Variants in WWC2 observed in about 807,000 individuals in gnomAD.
The protein encoded by WWC2 is protein WWC2.
A neutral mutation model predicts 138.5 loss-of-function variants in WWC2; 101 were observed. That is an observed-to-expected ratio of 0.73 (90% CI 0.62 to 0.86). The LOEUF (loss-of-function observed/expected upper bound fraction) is 0.86. Among genes scored for constraint, WWC2 ranks in the 40% least tolerant of loss-of-function variants. WWC2 has a pLI of 0.00. For missense variants in WWC2, 1,420 were observed against 1,419.4 expected (o/e 1.00, Z -0.01); for synonymous variants, 558 against 538.4 (o/e 1.04, Z -0.50).
At chr4:183,293,307 C>T (rs1014857392) in intron 21 of WWC2, among the ~76,000 whole-genome samples, 5 of 152,028 alleles carry the variant, frequency 3.3e-5, no homozygotes, top group Admixed American at 6.6e-5. Flanking sequence ...TTGACCATGT[C>T]AAAATGTCTA....
chr4:183,252,717 T>C (rs535953771), intron 8 of WWC2, among the ~76,000 whole-genome samples: 36 of 152,276 alleles, frequency 2.4e-4, no homozygotes, highest in African/African-American at 8.7e-4. Context: ...AGCACAATAA[T>C]GTATAAAGTG....
intron 2 of WWC2, among the ~76,000 whole-genome samples, chr4:183,195,322 G>A (rs779033524): frequency 3.9e-5 from 6 of 152,068 alleles, no homozygotes; most frequent in Admixed American, 1.3e-4. Context: ...AACCAACCTC[G>A]CCATCCTGGG....
intron 1 of WWC2, among the ~76,000 whole-genome samples, chr4:183,188,877 C>T (rs1734900176): frequency 6.6e-6 from 1 of 151,924 alleles, no homozygotes; most frequent in Non-Finnish European, 1.5e-5. Context: ...AACTCCTGAC[C>T]TCAGGTGATC....
At position 183,320,166 on chromosome 4, in the gene WWC2, A is replaced by G. The variant is rs2111142795; in HGVS notation, c.*4437A>G. Reference sequence around the variant, plus strand: ...AAGACAGGATAAAACCCATCCCAGCAAAGATAATGAAACTCCAGCTAGTTG... The same window carrying G: ...AAGACAGGATAAAACCCATCCCAGCGAAGATAATGAAACTCCAGCTAGTTG... On this transcript the variant is annotated 3_prime_UTR_variant, in exon 23 of 23. Coordinates refer to ENST00000403733, the MANE Select transcript of WWC2 (RefSeq NM_024949.6). 2 of 1,614,176 alleles carry G rather than the reference A, an allele frequency of 1.2e-6. No individual in the cohort carries two copies. The highest frequency in any genetic ancestry group is 1.6e-4 in the Middle Eastern group (1 of 6,062).
chr4:183,180,295 C>T (rs6552651), intron 1 of WWC2, among the ~76,000 whole-genome samples: 149,650 of 152,260 alleles, frequency 0.98, 73,589 homozygotes, highest in Middle Eastern at 1. Flanking sequence ...GATATCCTGC[C>T]TCTGAGCTGT....
At chr4:183,201,507 C>T (rs1735297481) in intron 2 of WWC2, among the ~76,000 whole-genome samples, 1 of 152,170 alleles carries the variant, frequency 6.6e-6, no homozygotes, top group Non-Finnish European at 1.5e-5. Flanking sequence ...GCCTTCACAG[C>T]CTGAATCACT....
intron 22 of WWC2, among the ~76,000 whole-genome samples, chr4:183,312,696 C>T (rs1027779975): frequency 4.5e-4 from 69 of 152,218 alleles, no homozygotes; most frequent in African/African-American, 1.6e-3. Flanking sequence ...GTGTCCCCAG[C>T]TCTTAGTAGC....
At chr4:183,160,960 G>T (rs1733945676) in intron 1 of WWC2, among the ~76,000 whole-genome samples, 1 of 152,026 alleles carries the variant, frequency 6.6e-6, no homozygotes, top group Non-Finnish European at 1.5e-5. Flanking sequence ...TAAAGATAGA[G>T]CAACTTATTA....
chr4:183,269,186 T>C, intron 15 of WWC2, 23 bp downstream of exon 15: 1 of 1,541,852 alleles, frequency 6.5e-7, no homozygotes, highest in Non-Finnish European at 8.7e-7. Flanking sequence ...ATAATTCCCA[T>C]TACCAAATAG....
rs372876633 is a variant in WWC2, at chr4:183,225,792, AAAAC to A, written c.523-14383_523-14380del. On this transcript the variant is annotated intron_variant, in intron 4 of 22. Transcript: ENST00000403733. ...CTAGGCAGTGAGATGTAGCATAAAC[AAAAC>A]AAACAAAAGTAACTGCTCTCATGGA... Among the ~76,000 whole-genome samples the A allele has an allele frequency of 3.3e-4, 51 of 152,332 alleles. 1 individual carries two copies. In the East Asian group the frequency reaches 5.6e-3, roughly 17 times the overall value.
chr4:183,216,460 A>C (rs1008101004), intron 4 of WWC2, among the ~76,000 whole-genome samples: 1 of 152,220 alleles, frequency 6.6e-6, no homozygotes, highest in Non-Finnish European at 1.5e-5. Flanking sequence ...AATCATGTGG[A>C]TATATTTTAA....
chr4:183,143,739 C>T (rs1304595459), intron 1 of WWC2, among the ~76,000 whole-genome samples: 2 of 151,838 alleles, frequency 1.3e-5, no homozygotes, highest in East Asian at 3.9e-4. Flanking sequence ...GCCCAGGAGG[C>T]AGAGGTTGCA....
At chr4:183,282,977 T>C (rs2111060695) in intron 18 of WWC2, 71 bp downstream of exon 18, 1 of 1,412,616 alleles carries the variant, frequency 7.1e-7, no homozygotes, top group Non-Finnish European at 9.4e-7. Context: ...AGATGCTTGT[T>C]TGTCTCCTTA....
At chr4:183,209,139 C>A in intron 4 of WWC2, 114 bp downstream of exon 4, 1 of 688,076 alleles carries the variant, frequency 1.5e-6, no homozygotes, top group Non-Finnish European at 2.5e-6. Flanking sequence ...AAACTCCTCC[C>A]CTTATCTCTG....
chr4:183,314,281 T>C lies in WWC2; in HGVS notation c.3513-1382T>C, dbSNP rs572979964. Among the ~76,000 whole-genome samples, 21 of 152,242 alleles carry C rather than the reference T, an allele frequency of 1.4e-4. 1 individual carries two copies. Among genetic ancestry groups the C allele is most frequent in the South Asian group, 8.3e-4 (4 of 4,824 alleles). Reference sequence around the variant, plus strand: ...GGTGAGGGGAGCCCATCCATGTCCCTGGTGCTGTGGTCACTTAGAGAATAA... The same window carrying C: ...GGTGAGGGGAGCCCATCCATGTCCCCGGTGCTGTGGTCACTTAGAGAATAA... On this transcript the variant is annotated intron_variant, in intron 22 of 22. Coordinates refer to ENST00000403733, the MANE Select transcript of WWC2 (RefSeq NM_024949.6).
At chr4:183,202,518 C>T (rs897978592) in intron 2 of WWC2, among the ~76,000 whole-genome samples, 13 of 152,210 alleles carry the variant, frequency 8.5e-5, no homozygotes, top group Non-Finnish European at 1.6e-4. Context: ...TTTTCGGTCT[C>T]ATCTGCTGAT....
At chr4:183,243,236 A>G (rs1207242254) in intron 5 of WWC2, among the ~76,000 whole-genome samples, 1 of 151,774 alleles carries the variant, frequency 6.6e-6, no homozygotes, top group Non-Finnish European at 1.5e-5. Flanking sequence ...TTGTTTTATC[A>G]TTAAATTCTG....
Position 183,317,604 on chromosome 4 carries a change from A to G in WWC2, c.*1875A>G, listed in dbSNP as rs369103995. The G allele has an allele frequency of 2.0e-5, 3 of 152,680 alleles. No homozygotes were observed. The highest frequency in any genetic ancestry group is 7.2e-5 in the African/African-American group (3 of 41,476). 9.5% of individuals were successfully genotyped at this position (152,680 alleles called of 1,614,324 possible). A position where few individuals can be genotyped will look rare whatever the true frequency, so the allele number is the denominator to read the frequency against. On this transcript the variant is annotated 3_prime_UTR_variant, in exon 23 of 23. Coordinates refer to ENST00000403733, the MANE Select transcript of WWC2 (RefSeq NM_024949.6). ...TCTTAGTTTGACCATGAAAATGTCT[A>G]TAGAATTATGTGTAGTTGTTCCGTA...
chr4:183,279,720 G>A (rs906173522), intron 16 of WWC2, among the ~76,000 whole-genome samples: 5 of 151,972 alleles, frequency 3.3e-5, no homozygotes, highest in Admixed American at 6.6e-5. Context: ...TGTATGTGTC[G>A]AGGAATTTAT....
Sources: allele counts gnomAD v4.1 joint callset (sites outside exome capture counted in the v4.1 genomes callset), GRCh38; gene constraint gnomAD v4.1.1; transcripts MANE v1.5; gene names NCBI Gene and HGNC (gene_info 2026-07-23, HGNC 2026-07-21).